The following KCNU1 variants were observed in gnomAD, a reference collection of about 807,000 sequenced individuals.
KCNU1 encodes the protein potassium calcium-activated channel subfamily U member 1.
A neutral mutation model predicts 126.8 loss-of-function variants in KCNU1; 93 were observed. That is an observed-to-expected ratio of 0.73 (90% confidence interval 0.62 to 0.87). The LOEUF (loss-of-function observed/expected upper bound fraction) is 0.87, where lower values mean the gene tolerates loss of function less well. KCNU1 is among the 40% of genes least tolerant of loss of function. KCNU1 has a pLI of 0.00. For synonymous variants in KCNU1, 523 were observed against 494.2 expected (o/e 1.06, Z -0.77); for missense variants, 1,330 against 1,367.1 (o/e 0.97, Z 0.43).
chr8:36,858,176 CAAAAA>C (rs67265944), intron 18 of KCNU1, among the ~76,000 whole-genome samples: 247 of 73,038 alleles, frequency 3.4e-3, no homozygotes, highest in African/African-American at 0.014. Context: ...TCAAGGATGG[CAAAAA>C]AAAAAAAAAA....
chr8:36,801,480 G>A lies in KCNU1; in HGVS notation c.316-2547G>A, dbSNP rs538818061. On this transcript the variant is annotated intron_variant, in intron 2 of 26. Transcript: ENST00000399881. ...CTTACATGTTTCTGTTCATTTCCAT[G>A]GGTTGGGGGGGTTGTAAACGTAAGT... Among the ~76,000 whole-genome samples, 16 of 150,854 alleles carry A rather than the reference G, an allele frequency of 1.1e-4. No homozygotes were observed. In the South Asian group the frequency reaches 3.3e-3, roughly 32 times the overall value.
chr8:36,834,275 A>G (rs923468573), intron 11 of KCNU1, among the ~76,000 whole-genome samples: 6 of 152,176 alleles, frequency 3.9e-5, no homozygotes, highest in African/African-American at 1.4e-4. Context: ...GAATTGACAG[A>G]CCCAGAAAAA....
intron 19 of KCNU1, among the ~76,000 whole-genome samples, chr8:36,899,449 G>A (rs1322840670): frequency 3.9e-5 from 6 of 152,032 alleles, no homozygotes; most frequent in Admixed American, 1.3e-4. Flanking sequence ...ATTCTCCTAC[G>A]TAAACTGAAA....
intron 19 of KCNU1, among the ~76,000 whole-genome samples, chr8:36,896,103 T>C (rs963482402): frequency 1.5e-5 from 2 of 132,426 alleles, no homozygotes; most frequent in South Asian, 4.8e-4. Flanking sequence ...AAAAATCCCT[T>C]AAAAATTATT....
In KCNU1 at chr8:36,900,028, C is replaced by T. The variant is rs1807352248; in HGVS notation, c.2010-5680C>T. Among the ~76,000 whole-genome samples the T allele has an allele frequency of 2.6e-5, 4 of 152,132 alleles. No individual in the cohort carries two copies. In the South Asian group the frequency reaches 6.2e-4, roughly 24 times the overall value. ...TTTTCCCAGATGGCAACCAAGGGGG[C>T]TTGGTGCTTTGGAAGTAACCAGGCT... On this transcript the variant is annotated intron_variant, in intron 19 of 26. Transcript: ENST00000399881.
chr8:36,832,615 A>AT (rs1353159275), intron 10 of KCNU1, among the ~76,000 whole-genome samples: 1 of 151,450 alleles, frequency 6.6e-6, no homozygotes, highest in Non-Finnish European at 1.5e-5. Flanking sequence ...TTTGTCTTTT[A>AT]TTTTTTCTCC....
intron 24 of KCNU1, chr8:36,929,173 G>T: frequency 1.9e-6 from 1 of 531,034 alleles, no homozygotes; most frequent in East Asian, 3.3e-5. Flanking sequence ...CTTGAGGTCA[G>T]GAGTTTGAGA....
At chr8:36,873,581 G>T (rs1806178950) in intron 19 of KCNU1, among the ~76,000 whole-genome samples, 1 of 152,146 alleles carries the variant, frequency 6.6e-6, no homozygotes, top group Non-Finnish European at 1.5e-5. Context: ...CTAAGAGAGG[G>T]TTAAGAAAAG....
chr8:36,796,822 T>A (rs1160764286), intron 2 of KCNU1, among the ~76,000 whole-genome samples: 1 of 152,226 alleles, frequency 6.6e-6, no homozygotes, highest in Non-Finnish European at 1.5e-5. Context: ...TTGTGTTGTA[T>A]TAAAAATACA....
chr8:36,927,567 C>A (rs566895864), intron 24 of KCNU1, among the ~76,000 whole-genome samples: 1 of 152,264 alleles, frequency 6.6e-6, no homozygotes, highest in South Asian at 2.1e-4. Flanking sequence ...TTGTTAGTTG[C>A]AGTTTTCCTA....
At chr8:36,871,551 G>T (rs761962965) in intron 19 of KCNU1, among the ~76,000 whole-genome samples, 1 of 152,112 alleles carries the variant, frequency 6.6e-6, no homozygotes, top group South Asian at 2.1e-4. Flanking sequence ...CATCAGAATT[G>T]TACCATAGAA....
chr8:36,924,338 ATCATGCCTGAAT>A (rs1808465245), intron 24 of KCNU1, among the ~76,000 whole-genome samples: 1 of 152,230 alleles, frequency 6.6e-6, no homozygotes, highest in African/African-American at 2.4e-5. Context: ...AGTGAGAGGC[ATCATGCCTGAAT>A]TTCAGGAATG....
chr8:36,911,003 C>G lies in KCNU1; in HGVS notation c.2405C>G (p.Pro802Arg), dbSNP rs748129543. Residue 802 changes from proline (P) to arginine (R), a missense_variant, in exon 22 of 27, where the codon CCC becomes CGC. Physicochemically the swap from Pro to Arg is moderately radical, Grantham distance 103 (BLOSUM62 -2). This residue lies in a region of KCNU1 where 1,054 missense variants were observed against 1,053.9 expected (regional missense o/e 1.00). Transcript: ENST00000399881. ...TGCTCCATGTGTGCTGTCTTGTCCC[C>G]CCCACCCCAGCCATCAAGCAACCAG... ...EQCSMCAVLSPPPQPSSNQTL... is the reference protein window; with the variant it reads ...EQCSMCAVLSRPPQPSSNQTL... 6.2e-7 allele frequency: 1 copy of G among 1,613,428 alleles called. No individual in the cohort carries two copies. Among genetic ancestry groups the G allele is most frequent in the East Asian group, 2.2e-5 (1 of 44,858 alleles).
At chr8:36,803,938 G>T (rs569062781) in intron 2 of KCNU1, 89 bp from the exon 3 acceptor site, 33 of 812,494 alleles carry the variant, frequency 4.1e-5, no homozygotes, top group South Asian at 3.8e-4. Context: ...ACGTACACAG[G>T]CATGGTAAAA....
chr8:36,844,052 A>G (rs1805050803), intron 16 of KCNU1, among the ~76,000 whole-genome samples: 1 of 152,160 alleles, frequency 6.6e-6, no homozygotes, highest in East Asian at 1.9e-4. Flanking sequence ...GATATTTAAT[A>G]TGAGTTCAGA....
Position 36,840,953 on chromosome 8 carries a change from C to T in KCNU1, c.1653C>T (p.His551=). ...EVARLCFLKM[H]LLLIAIEYKS... is the part of the protein sequence containing the mutation. ...CCAGGCTCTGCTTTCTGAAGATGCA[C>T]CTCCTGTTGATAGCCATCGAATACA... The change falls in exon 16 of 27, where the codon CAC becomes CAT. Residue 551 remains histidine (H), a synonymous_variant. Transcript: ENST00000399881. The T allele has an allele frequency of 6.2e-7, 1 of 1,613,042 alleles. No individual in the cohort carries two copies. Among genetic ancestry groups the T allele is most frequent in the Non-Finnish European group, 8.5e-7 (1 of 1,179,188 alleles).
intron 22 of KCNU1, 21 bp downstream of exon 22, chr8:36,911,140 A>G (rs763300567): frequency 6.4e-7 from 1 of 1,565,848 alleles, no homozygotes; most frequent in Non-Finnish European, 8.7e-7. Context: ...CACCCCTGAA[A>G]AGAAGAAACT....
At chr8:36,923,678 A>T (rs1444199756) in intron 24 of KCNU1, among the ~76,000 whole-genome samples, 1 of 152,210 alleles carries the variant, frequency 6.6e-6, no homozygotes, top group South Asian at 2.1e-4. Flanking sequence ...AAAAGCAGAC[A>T]TATTTATCCC....
chr8:36,809,521 G>A (rs1239887351), intron 7 of KCNU1, among the ~76,000 whole-genome samples: 1 of 152,152 alleles, frequency 6.6e-6, no homozygotes, highest in Non-Finnish European at 1.5e-5. Context: ...CCATTAAAAA[G>A]TTACCATTGT....
Sources: allele counts gnomAD v4.1 joint callset (sites outside exome capture counted in the v4.1 genomes callset), GRCh38; gene constraint gnomAD v4.1.1; regional missense constraint gnomAD v4.1.1; transcripts MANE v1.5; gene names NCBI Gene and HGNC (gene_info 2026-07-23, HGNC 2026-07-21).